Variants in CSDE1 observed in about 807,000 individuals in gnomAD.
The protein encoded by CSDE1 is cold shock domain-containing protein E1.
Under a neutral mutation model 89.3 loss-of-function variants are expected in CSDE1, and 17 were observed. The ratio of observed to expected loss-of-function variants is 0.19; its 90% CI spans 0.13 to 0.29. CSDE1 has a LOEUF of 0.29. CSDE1 is among the 10% of genes least tolerant of loss of function. The pLI is 1.00. For synonymous variants in CSDE1, 322 were observed against 332.8 expected (o/e 0.97, Z 0.35); for missense variants, 672 against 984.2 (o/e 0.68, Z 4.24).
chr1:114,740,495 CA>C (rs1334087178), intron 2 of CSDE1, among the ~76,000 whole-genome samples: 1 of 152,128 alleles, frequency 6.6e-6, no homozygotes, highest in Non-Finnish European at 1.5e-5. Flanking sequence ...TCTGAAACAA[CA>C]AAACTCCAAG....
intron 2 of CSDE1, among the ~76,000 whole-genome samples, chr1:114,747,650 G>T (rs568314466): frequency 6.6e-6 from 1 of 152,206 alleles, no homozygotes; most frequent in South Asian, 2.1e-4. Flanking sequence ...ACAAGGTCAG[G>T]AATTCAAAAC....
chr1:114,723,481 A>AG (rs987473496), intron 16 of CSDE1, among the ~76,000 whole-genome samples: 8 of 152,180 alleles, frequency 5.3e-5, no homozygotes, highest in Non-Finnish European at 1.5e-5. Flanking sequence ...TGTGTAGTGT[A>AG]GGGGGGAAAA....
chr1:114,746,121 G>C (rs904986604), intron 2 of CSDE1, among the ~76,000 whole-genome samples: 1 of 152,112 alleles, frequency 6.6e-6, no homozygotes, highest in African/African-American at 2.4e-5. Flanking sequence ...TGTATTCTCA[G>C]ACATACCTCC....
chr1:114,718,752 T>C lies in CSDE1; in HGVS notation c.2217-7A>G. On this transcript the variant is annotated splice_region_variant and splice_polypyrimidine_tract_variant and intron_variant, in intron 18 of 19. Transcript: ENST00000358528. ...AACAGCCTTGGGGCCCTCACTGTAA[T>C]TAAGTCAAAAGATGAGAAGAAACCA... is the stretch of plus-strand genomic sequence containing the variant. 2 of 1,613,332 alleles carry C rather than the reference T, an allele frequency of 1.2e-6. No homozygotes were observed.
chr1:114,751,052 T>G (rs1216216688), intron 1 of CSDE1, among the ~76,000 whole-genome samples: 1 of 152,198 alleles, frequency 6.6e-6, no homozygotes, highest in African/African-American at 2.4e-5. Context: ...GGAGCCCGAT[T>G]ATGAAGCATT....
At chr1:114,722,863 A>G (rs1659600138) in intron 16 of CSDE1, among the ~76,000 whole-genome samples, 1 of 152,194 alleles carries the variant, frequency 6.6e-6, no homozygotes, top group East Asian at 1.9e-4. Flanking sequence ...CAGAAATTCT[A>G]AGAATCCCAT....
chr1:114,722,063 GGA>G (rs963972866), intron 16 of CSDE1, among the ~76,000 whole-genome samples: 35 of 152,022 alleles, frequency 2.3e-4, no homozygotes, highest in African/African-American at 7.5e-4. Flanking sequence ...TGTATTTTTA[GGA>G]GAGACAGGGT....
intron 17 of CSDE1, 90 bp downstream of exon 17, chr1:114,720,449 G>T: frequency 2.4e-6 from 3 of 1,229,812 alleles, no homozygotes; most frequent in Non-Finnish European, 3.3e-6. Context: ...AATGAATGTT[G>T]ATGATTTCCC....
rs149130397 is a variant in CSDE1, at chr1:114,722,041, C to G, written c.1874-1324G>C. ...GGATTATAGGCACCCACCATGATAC[C>G]TGGCTAATTTTTGTATTTTTAGGAG... On this transcript the variant is annotated intron_variant, in intron 16 of 19. Transcript: ENST00000358528. Among the ~76,000 whole-genome samples the G allele has an allele frequency of 3.2e-3, 487 of 151,914 alleles. 2 individuals carry two copies. The highest frequency in any genetic ancestry group is 6.8e-3 in the Middle Eastern group (2 of 292).
intron 2 of CSDE1, among the ~76,000 whole-genome samples, chr1:114,743,224 C>T (rs1011267497): frequency 2.0e-5 from 3 of 152,118 alleles, no homozygotes; most frequent in Non-Finnish European, 4.4e-5. Context: ...GATGGAGTCT[C>T]GCTGTCACCC....
Position 114,718,229 on chromosome 1 carries a change from G to GA in CSDE1, c.2350-14dup, listed in dbSNP as rs559081952. 3.2e-3 allele frequency: 4,621 copies of GA among 1,424,458 alleles called. 3 individuals are homozygous for GA. The highest frequency in any genetic ancestry group is 0.011 in the African/African-American group (770 of 67,916). 88.2% of individuals were successfully genotyped at this position (1,424,458 alleles called of 1,614,324 possible). A position where few individuals can be genotyped will look rare whatever the true frequency, so the allele number is the denominator to read the frequency against. ...CTGCACCAAACCCCTGTGGGGGGGA[G>GA]AAAAAAAAAACCCTGCAGTTAATGA... is the stretch of plus-strand genomic sequence containing the variant. On this transcript the variant is annotated splice_polypyrimidine_tract_variant and intron_variant, in intron 19 of 19. Coordinates refer to ENST00000358528, the MANE Select transcript of CSDE1 (RefSeq NM_001007553.3).
chr1:114,731,188 T>G (rs886731422), intron 10 of CSDE1, among the ~76,000 whole-genome samples: 5 of 151,952 alleles, frequency 3.3e-5, no homozygotes, highest in Non-Finnish European at 5.9e-5. Context: ...TGGTAGATAC[T>G]CATGTTTAAT....
At chr1:114,721,170 C>T (rs6692870) in intron 16 of CSDE1, among the ~76,000 whole-genome samples, 124,032 of 152,102 alleles carry the variant, frequency 0.82, 51,166 homozygotes, top group African/African-American at 0.93. Flanking sequence ...TGACACCCCA[C>T]CTCCTTTTTT....
intron 2 of CSDE1, among the ~76,000 whole-genome samples, chr1:114,748,669 T>C (rs185262951): frequency 1.4e-4 from 21 of 152,346 alleles, no homozygotes; most frequent in South Asian, 2.1e-4. Context: ...TCAGATTCAA[T>C]TGGTCCCCAA....
At chr1:114,741,416 G>T in intron 2 of CSDE1, 1 of 1,025,816 alleles carries the variant, frequency 9.7e-7, no homozygotes, top group Non-Finnish European at 1.3e-6. Context: ...AAATGATTCG[G>T]GAAGTTAGAA....
At chr1:114,739,647 C>G (rs748381100) in intron 3 of CSDE1, 45 bp downstream of exon 3, 1 of 1,539,222 alleles carries the variant, frequency 6.5e-7, no homozygotes, top group South Asian at 1.1e-5. Context: ...ATATGCAAGA[C>G]AAATTTTGTG....
At chr1:114,740,044 T>A in intron 2 of CSDE1, 154 bp from the exon 3 acceptor site, 1 of 581,346 alleles carries the variant, frequency 1.7e-6, no homozygotes, top group Non-Finnish European at 3.0e-6. Flanking sequence ...AGCATTAATT[T>A]AGCTAATAAA....
At chr1:114,728,487 A>C (rs1356954268) in intron 12 of CSDE1, among the ~76,000 whole-genome samples, 8 of 152,216 alleles carry the variant, frequency 5.3e-5, no homozygotes, top group Admixed American at 6.5e-5. Flanking sequence ...ATACTGTAAG[A>C]AGCATGATGA....
intron 2 of CSDE1, among the ~76,000 whole-genome samples, chr1:114,743,422 A>T (rs1660841065): frequency 6.6e-6 from 1 of 152,146 alleles, no homozygotes. Context: ...GGAACTCCTG[A>T]CCTCAAGTGA....
Sources: allele counts gnomAD v4.1 joint callset (sites outside exome capture counted in the v4.1 genomes callset), GRCh38; gene constraint gnomAD v4.1.1; transcripts MANE v1.5; gene names NCBI Gene and HGNC (gene_info 2026-07-23, HGNC 2026-07-21).